SNX29: variants seen among roughly 807,000 people sequenced by gnomAD.
SNX29 encodes the protein sorting nexin-29.
SNX29 carries 78 observed loss-of-function variants against 102.1 expected under a neutral mutation model. The observed-to-expected ratio is 0.76, with a 90% CI of 0.64 to 0.92. The LOEUF (loss-of-function observed/expected upper bound fraction) is 0.92, where lower values mean the gene tolerates loss of function less well. Among genes scored for constraint, SNX29 ranks in the 40% least tolerant of loss-of-function variants. The probability of loss-of-function intolerance (pLI) is 0.00; values close to 1 mark genes in which losing one functional copy is unlikely to be tolerated. For synonymous variants in SNX29, 580 were observed against 414.5 expected, an observed-to-expected ratio of 1.40 and a Z score of -4.85; for missense variants, 1,280 against 1,061.7, an observed-to-expected ratio of 1.21 and a Z score of -2.86.
chr16:12,111,568 A>G (rs1054461850), intron 11 of SNX29, among the ~76,000 whole-genome samples: 7 of 152,160 alleles, frequency 4.6e-5, no homozygotes, highest in Non-Finnish European at 1.0e-4. Context: ...TCCCACTGCA[A>G]GGAAAGCAAG....
chr16:12,345,592 C>G (rs980814911), intron 15 of SNX29, among the ~76,000 whole-genome samples: 1 of 152,302 alleles, frequency 6.6e-6, no homozygotes, highest in Non-Finnish European at 1.5e-5. Flanking sequence ...GCTCAGAAAA[C>G]AGTAACTGTT....
At chr16:12,294,085 C>G (rs554133728) in intron 15 of SNX29, among the ~76,000 whole-genome samples, 1 of 152,358 alleles carries the variant, frequency 6.6e-6, no homozygotes, top group East Asian at 1.9e-4. Context: ...CAGGAGATGA[C>G]GGTCAGTCCC....
At chr16:12,229,337 G>A (rs965272130) in intron 14 of SNX29, among the ~76,000 whole-genome samples, 1 of 152,202 alleles carries the variant, frequency 6.6e-6, no homozygotes, top group Non-Finnish European at 1.5e-5. Context: ...AATGGAAATG[G>A]TCAGGCCAGT....
chr16:12,103,718 T>A (rs1355002042), intron 11 of SNX29, among the ~76,000 whole-genome samples: 1 of 152,210 alleles, frequency 6.6e-6, no homozygotes, highest in Non-Finnish European at 1.5e-5. Flanking sequence ...ACAGAGCTTC[T>A]GCACAGCAAA....
At chr16:12,434,269 G>C (rs1035449650) in intron 18 of SNX29, among the ~76,000 whole-genome samples, 6 of 152,304 alleles carry the variant, frequency 3.9e-5, no homozygotes, top group East Asian at 1.9e-4. Context: ...ATTGACCAGA[G>C]TGTGTACAAA....
chr16:12,058,666 G>A (rs1218879203), intron 8 of SNX29, among the ~76,000 whole-genome samples: 1 of 151,186 alleles, frequency 6.6e-6, no homozygotes, highest in Non-Finnish European at 1.5e-5. Context: ...GCTAAGTTTT[G>A]TATTTTTAGT....
intron 20 of SNX29, among the ~76,000 whole-genome samples, chr16:12,567,625 G>A (rs1420751432): frequency 6.6e-6 from 1 of 152,054 alleles, no homozygotes. Flanking sequence ...ACTCAGGTAT[G>A]GTGGCTAGTA....
At chr16:12,407,659 G>T (rs970468082) in intron 18 of SNX29, among the ~76,000 whole-genome samples, 1 of 152,126 alleles carries the variant, frequency 6.6e-6, no homozygotes, top group Non-Finnish European at 1.5e-5. Context: ...GCCATCCTGT[G>T]GGGTAAGAAA....
intron 11 of SNX29, among the ~76,000 whole-genome samples, chr16:12,097,367 C>G (rs2052810750): frequency 6.6e-6 from 1 of 152,220 alleles, no homozygotes; most frequent in Non-Finnish European, 1.5e-5. Context: ...CCTGGAGACC[C>G]TGCACCAAGC....
Position 12,046,381 on chromosome 16 carries a change from C to A in SNX29, c.429-3C>A. Reference sequence around the variant, plus strand: ...CGATTTCCTTTTCTCTTTCAATCTGCAGCACTTTTTATGAAGACTGGTCTT... The same window carrying A: ...CGATTTCCTTTTCTCTTTCAATCTGAAGCACTTTTTATGAAGACTGGTCTT... On this transcript the variant is annotated splice_region_variant and splice_polypyrimidine_tract_variant and intron_variant, in intron 5 of 20. Transcript: ENST00000566228. The A allele has an allele frequency of 6.2e-7, 1 of 1,613,530 alleles. No individual in the cohort carries two copies. The highest frequency in any genetic ancestry group is 8.5e-7 in the Non-Finnish European group (1 of 1,179,560).
chr16:12,437,085 G>T (rs1230373903), intron 18 of SNX29, among the ~76,000 whole-genome samples: 2 of 152,256 alleles, frequency 1.3e-5, no homozygotes, highest in African/African-American at 4.8e-5. Context: ...TTCCAGCTTA[G>T]AATGAGAGAC....
chr16:12,520,795 A>T (rs2090068912), intron 19 of SNX29, among the ~76,000 whole-genome samples: 1 of 152,140 alleles, frequency 6.6e-6, no homozygotes, highest in Admixed American at 6.5e-5. Flanking sequence ...TTGGGGACTC[A>T]GGCGTGGGGG....
intron 7 of SNX29, among the ~76,000 whole-genome samples, chr16:12,051,438 G>A (rs1239582494): frequency 1.3e-5 from 2 of 152,126 alleles, no homozygotes; most frequent in African/African-American, 4.8e-5. Flanking sequence ...TTGCAAAGGG[G>A]CATTGCACAG....
chr16:12,442,522 C>T (rs1379509991), intron 18 of SNX29, among the ~76,000 whole-genome samples: 2 of 151,910 alleles, frequency 1.3e-5, no homozygotes, highest in Admixed American at 6.6e-5. Context: ...AGATGCAACT[C>T]TGTTCTTACA....
intron 4 of SNX29, among the ~76,000 whole-genome samples, chr16:12,030,152 T>A (rs187056579): frequency 1.5e-4 from 23 of 152,350 alleles, no homozygotes; most frequent in African/African-American, 4.8e-4. Context: ...CTGATCCTTG[T>A]TGGCATATCA....
At chr16:12,474,948 G>T (rs138440028) in intron 18 of SNX29, among the ~76,000 whole-genome samples, 25 of 152,332 alleles carry the variant, frequency 1.6e-4, no homozygotes, top group Middle Eastern at 6.8e-3. Flanking sequence ...CTTTTGTTCA[G>T]TTGAGCTGGT....
At chr16:12,039,668 C>T (rs2057573416) in intron 4 of SNX29, among the ~76,000 whole-genome samples, 1 of 152,216 alleles carries the variant, frequency 6.6e-6, no homozygotes, top group Non-Finnish European at 1.5e-5. Flanking sequence ...CCAGGTCTGA[C>T]TGTAAAGACT....
At chr16:12,355,111 C>T (rs1465969292) in intron 15 of SNX29, among the ~76,000 whole-genome samples, 1 of 152,112 alleles carries the variant, frequency 6.6e-6, no homozygotes, top group Admixed American at 6.5e-5. Context: ...GTCTAAGTGG[C>T]TTCTCTCACT....
intron 20 of SNX29, among the ~76,000 whole-genome samples, chr16:12,565,715 T>G (rs539764130): frequency 6.6e-6 from 1 of 152,232 alleles, no homozygotes; most frequent in Non-Finnish European, 1.5e-5. Context: ...CTGGGCCGGG[T>G]CTGCCCGGCT....
Sources: gnomAD v4.1 joint callset for allele counts (sites outside exome capture counted in the v4.1 genomes callset) on GRCh38, gnomAD v4.1.1 for gene constraint, MANE v1.5 for transcripts, NCBI Gene and HGNC (gene_info 2026-07-23, HGNC 2026-07-21) for gene names.